SRGAP3: variants seen among roughly 807,000 people sequenced by gnomAD.
The protein encoded by SRGAP3 is SLIT-ROBO Rho GTPase activating protein 3.
In SRGAP3, 39 loss-of-function variants were observed where a neutral mutation model predicts 121.1. The ratio of observed to expected loss-of-function variants is 0.32; its 90% CI spans 0.25 to 0.42. The LOEUF (loss-of-function observed/expected upper bound fraction) is 0.42, where lower values mean the gene tolerates loss of function less well. SRGAP3 is among the 10% of genes least tolerant of loss of function. The probability of loss-of-function intolerance (pLI) is 1.00; values close to 1 mark genes in which losing one functional copy is unlikely to be tolerated. For missense variants in SRGAP3, 1,213 were observed against 1,470.6 expected (o/e 0.82, Z 2.86); for synonymous variants, 601 against 570.0 (o/e 1.05, Z -0.77).
intron 3 of SRGAP3, among the ~76,000 whole-genome samples, chr3:9,306,286 T>C (rs1245599399): frequency 1.3e-5 from 2 of 152,246 alleles, no homozygotes; most frequent in East Asian, 3.8e-4. Context: ...TAAATTTGTT[T>C]AAGTTCTTTG....
intron 1 of SRGAP3, among the ~76,000 whole-genome samples, chr3:9,130,516 G>C (rs577655372): frequency 6.6e-6 from 1 of 152,160 alleles, no homozygotes; most frequent in African/African-American, 2.4e-5. Context: ...AGCTCAGGAG[G>C]AAGTCGCTAG....
intron 12 of SRGAP3, among the ~76,000 whole-genome samples, chr3:9,030,192 T>C (rs769343179): frequency 1.1e-4 from 16 of 151,110 alleles, no homozygotes; most frequent in Admixed American, 2.0e-4. Context: ...AATGAATGAA[T>C]GAAATAGTAT....
chr3:9,004,477 G>A (rs1349609488), intron 18 of SRGAP3, among the ~76,000 whole-genome samples: 3 of 152,148 alleles, frequency 2.0e-5, no homozygotes, highest in Admixed American at 6.5e-5. Flanking sequence ...TCTTGAAAAC[G>A]AAGGACAAAG....
chr3:9,283,307 G>A (rs561154034), intron 3 of SRGAP3, among the ~76,000 whole-genome samples: 5 of 152,214 alleles, frequency 3.3e-5, no homozygotes, highest in East Asian at 1.9e-4. Context: ...TTCATACTCC[G>A]TTAACATTAA....
intron 1 of SRGAP3, among the ~76,000 whole-genome samples, chr3:9,128,973 A>G (rs1949341438): frequency 6.6e-6 from 1 of 152,248 alleles, no homozygotes; most frequent in South Asian, 2.1e-4. Flanking sequence ...GTGAGGGTGG[A>G]AGGGACACTG....
chr3:8,984,583 T>C lies in SRGAP3; in HGVS notation c.*936A>G, dbSNP rs953763219. ...AACCACATGTAATACTGTGCTACGA[T>C]GGGGCTTAGGTTCTCACTATCCCCC... On this transcript the variant is annotated 3_prime_UTR_variant, in exon 22 of 22. Coordinates refer to ENST00000383836, the MANE Select transcript of SRGAP3 (RefSeq NM_014850.4). 4.3e-6 allele frequency: 1 copy of C among 232,722 alleles called. No homozygotes were observed. The highest frequency in any genetic ancestry group is 6.0e-5 in the East Asian group (1 of 16,536). The allele number at this position is 232,722 out of a possible 1,614,324, so 14.4% of individuals were successfully genotyped here.
intron 2 of SRGAP3, among the ~76,000 whole-genome samples, chr3:9,119,755 T>C (rs1306280647): frequency 6.6e-6 from 1 of 152,224 alleles, no homozygotes. Flanking sequence ...AGAAGTCTGA[T>C]GCCCGGCTGA....
chr3:9,266,774 T>C (rs1224313589), intron 3 of SRGAP3, among the ~76,000 whole-genome samples: 1 of 151,992 alleles, frequency 6.6e-6, no homozygotes, highest in Non-Finnish European at 1.5e-5. Context: ...CAATACCCCC[T>C]GTGAGGAGGT....
chr3:9,141,683 T>C (rs943601680), intron 1 of SRGAP3, among the ~76,000 whole-genome samples: 1 of 151,934 alleles, frequency 6.6e-6, no homozygotes, highest in Non-Finnish European at 1.5e-5. Context: ...GGACTGAGAT[T>C]AGATTTTCCA....
intron 14 of SRGAP3, 88 bp from the exon 15 acceptor site, chr3:9,015,819 C>G (rs142294443): frequency 6.5e-7 from 1 of 1,543,158 alleles, no homozygotes; most frequent in East Asian, 2.2e-5. Context: ...CCTGGTCCAG[C>G]CTGAACCACA....
At chr3:9,097,959 T>A (rs936772945) in intron 3 of SRGAP3, among the ~76,000 whole-genome samples, 3 of 152,080 alleles carry the variant, frequency 2.0e-5, no homozygotes, top group Non-Finnish European at 4.4e-5. Flanking sequence ...CAGGAGGGAA[T>A]CCCAAGTATC....
chr3:9,071,081 G>A (rs2125233858), intron 4 of SRGAP3, among the ~76,000 whole-genome samples: 1 of 152,232 alleles, frequency 6.6e-6, no homozygotes, highest in East Asian at 1.9e-4. Context: ...ATTAGCCCAG[G>A]GGAGCAGGAG....
chr3:9,077,623 G>T (rs1020771729), intron 4 of SRGAP3, among the ~76,000 whole-genome samples: 1 of 152,194 alleles, frequency 6.6e-6, no homozygotes, highest in Non-Finnish European at 1.5e-5. Flanking sequence ...GGCTTGTCCT[G>T]TTGGGGCCTC....
chr3:9,303,880 A>G (rs1027255459), intron 3 of SRGAP3, among the ~76,000 whole-genome samples: 6 of 152,220 alleles, frequency 3.9e-5, no homozygotes, highest in African/African-American at 1.4e-4. Flanking sequence ...ATCTGCCTAC[A>G]GTGTGCTGGG....
At chr3:9,219,678 G>A (rs570393539) in intron 1 of SRGAP3, among the ~76,000 whole-genome samples, 17 of 152,144 alleles carry the variant, frequency 1.1e-4, no homozygotes, top group African/African-American at 3.4e-4. Flanking sequence ...GTGAAACCCC[G>A]TCTCTACTAA....
chr3:9,339,254 A>G (rs17802391), intron 1 of SRGAP3, among the ~76,000 whole-genome samples: 2,254 of 152,320 alleles, frequency 0.015, 46 homozygotes, highest in Non-Finnish European at 0.016. Context: ...ACATACCTTC[A>G]TTCAGCAAAT....
At chr3:9,189,861 A>G (rs745679418) in intron 1 of SRGAP3, among the ~76,000 whole-genome samples, 70 of 152,226 alleles carry the variant, frequency 4.6e-4, no homozygotes, top group Non-Finnish European at 7.2e-4. Flanking sequence ...CTCTCCCTGA[A>G]TCTCTTATTT....
Position 9,015,748 on chromosome 3 carries a change from G to T in SRGAP3, c.1679-17C>A. 6.2e-7 allele frequency: 1 copy of T among 1,614,028 alleles called. No individual in the cohort carries two copies. The highest frequency in any genetic ancestry group is 8.5e-7 in the Non-Finnish European group (1 of 1,180,016). ...GGTCTTCACCTGAGTGGAAACAAGA[G>T]ACGAGATGATATTTCAGCTTGGGAA... On this transcript the variant is annotated splice_polypyrimidine_tract_variant and intron_variant, in intron 14 of 21. Transcript: ENST00000383836.
chr3:9,068,186 C>T (rs767319438), intron 4 of SRGAP3, among the ~76,000 whole-genome samples: 14 of 152,136 alleles, frequency 9.2e-5, no homozygotes, highest in Non-Finnish European at 1.8e-4. Context: ...TGCCTCGCCA[C>T]GAATCTGTCA....
Sources: allele counts gnomAD v4.1 joint callset (sites outside exome capture counted in the v4.1 genomes callset), GRCh38; gene constraint gnomAD v4.1.1; transcripts MANE v1.5; gene names NCBI Gene and HGNC (gene_info 2026-07-23, HGNC 2026-07-21).